Variants in KLHL42 observed in about 807,000 individuals in gnomAD.
KLHL42 encodes kelch-like protein 42.
KLHL42 carries 27 observed loss-of-function variants against 32.7 expected under a neutral mutation model. The ratio of observed to expected loss-of-function variants is 0.83; its 90% CI spans 0.61 to 1.14. The LOEUF is 1.14. KLHL42 is among the 50% of genes most tolerant of loss of function. The pLI, the probability that KLHL42 is intolerant of heterozygous loss-of-function variation, is 0.00. For missense variants in KLHL42, 491 were observed against 560.8 expected, an observed-to-expected ratio of 0.88 and a Z score of 1.26; for synonymous variants, 267 against 248.2, an observed-to-expected ratio of 1.08 and a Z score of -0.71.
At chr12:27,784,135 T>G (rs2347221) in intron 1 of KLHL42, among the ~76,000 whole-genome samples, 27,347 of 146,344 alleles carry the variant, frequency 0.19, 3,045 homozygotes, top group East Asian at 0.51. Context: ...TTTTTTTTGT[T>G]TTTGTTTTTT....
Position 27,780,634 on chromosome 12 carries a change from CT to C in KLHL42, c.305del (p.Leu102ArgfsTer80). On this transcript the variant is annotated frameshift_variant, in exon 1 of 3. Coordinates refer to ENST00000381271, the MANE Select transcript of KLHL42 (RefSeq NM_020782.2). LOFTEE classifies it high-confidence loss of function. This position sits in a 1 kb window ranked among gnomAD's most constrained non-coding sequence, Gnocchi z 8.8. Reference protein sequence around the residue: ...EDEEMDEVSLLSELVEAASFL... With the variant: ...EDEEMDEVSLXSELVEAASFL... ...CGAGGAGATGGATGAGGTGAGCCTG[CT>C]GTCCGAGCTGGTGGAGGCGGCCTCC... The C allele has an allele frequency of 2.5e-6, 4 of 1,570,016 alleles. No homozygotes were observed. The highest frequency in any genetic ancestry group is 3.5e-6 in the Non-Finnish European group (4 of 1,156,350).
At chr12:27,794,616 A>T (rs927090467) in intron 2 of KLHL42, among the ~76,000 whole-genome samples, 4 of 152,100 alleles carry the variant, frequency 2.6e-5, no homozygotes, top group African/African-American at 9.7e-5. Flanking sequence ...TCTGCCTCCC[A>T]AAGTGCTGGG....
intron 1 of KLHL42, among the ~76,000 whole-genome samples, chr12:27,784,561 C>G (rs1196756914): frequency 6.6e-6 from 1 of 152,090 alleles, no homozygotes; most frequent in Non-Finnish European, 1.5e-5. Flanking sequence ...CTGCAGTGCA[C>G]TCTCATCGGG....
chr12:27,790,054 G>A (rs1243986018), intron 1 of KLHL42, among the ~76,000 whole-genome samples: 3 of 152,098 alleles, frequency 2.0e-5, no homozygotes, highest in South Asian at 2.1e-4. Context: ...CTTGTTTACT[G>A]CTTCTTCTTA....
At chr12:27,796,739 C>A (rs577890099) in intron 2 of KLHL42, among the ~76,000 whole-genome samples, 3 of 152,094 alleles carry the variant, frequency 2.0e-5, no homozygotes, top group Admixed American at 1.3e-4. Context: ...CTAAAGTGAT[C>A]CTCCCACCTC....
intron 1 of KLHL42, chr12:27,788,331 A>T (rs574401898): frequency 2.0e-5 from 3 of 152,142 alleles, no homozygotes; most frequent in Admixed American, 6.5e-5. Context: ...TGCTCACAAC[A>T]TCTCTGTGAG....
At chr12:27,797,405 C>G (rs2062223845) in intron 2 of KLHL42, 3 of 515,864 alleles carry the variant, frequency 5.8e-6, no homozygotes, top group Non-Finnish European at 1.1e-5. Flanking sequence ...TTACACTGAC[C>G]TGGTGGTTCA....
rs554400738 is a variant in KLHL42, at chr12:27,799,174, C to T, written c.*1008C>T. The T allele has an allele frequency of 3.9e-5, 6 of 152,428 alleles. No homozygotes were observed. The highest frequency in any genetic ancestry group is 1.4e-4 in the African/African-American group (6 of 41,552). The allele number at this position is 152,428 out of a possible 1,614,324, so 9.4% of individuals were successfully genotyped here. A position where few individuals can be genotyped will look rare whatever the true frequency, so the allele number is the denominator to read the frequency against. ...TTGCTTTTGTGGACTAAGGTAAGGA[C>T]AGCATTTAAATATTTGTGCTGGAGT... On this transcript the variant is annotated 3_prime_UTR_variant, in exon 3 of 3. Coordinates refer to ENST00000381271, the MANE Select transcript of KLHL42 (RefSeq NM_020782.2).
chr12:27,794,591 A>C (rs1213482342), intron 2 of KLHL42, among the ~76,000 whole-genome samples: 2 of 152,158 alleles, frequency 1.3e-5, no homozygotes, highest in Non-Finnish European at 2.9e-5. Flanking sequence ...TCCTGGGTTC[A>C]GGCGATCTCC....
chr12:27,796,351 C>T (rs1382677825), intron 2 of KLHL42, among the ~76,000 whole-genome samples: 1 of 152,226 alleles, frequency 6.6e-6, no homozygotes. Flanking sequence ...TACCAAGCGC[C>T]TGCAGCCGTC....
chr12:27,780,266 C>T lies in KLHL42; in HGVS notation c.-65C>T. On this transcript the variant is annotated 5_prime_UTR_variant, in exon 1 of 3. Coordinates refer to ENST00000381271, the MANE Select transcript of KLHL42 (RefSeq NM_020782.2). This position sits in a 1 kb window ranked among gnomAD's most constrained non-coding sequence, Gnocchi z 8.8. Reference sequence around the variant, plus strand: ...GCGCCCCGCCCGGAACCGGCGCGCGCGTAGGGGCTGGGAGGCCGGCGCGCA... The same window carrying T: ...GCGCCCCGCCCGGAACCGGCGCGCGTGTAGGGGCTGGGAGGCCGGCGCGCA... 1 of 1,405,630 alleles carries T rather than the reference C, an allele frequency of 7.1e-7. No individual in the cohort carries two copies. The highest frequency in any genetic ancestry group is 2.6e-4 in the Middle Eastern group (1 of 3,872). 87.1% of individuals were successfully genotyped at this position (1,405,630 alleles called of 1,614,324 possible).
Position 27,791,690 on chromosome 12 carries a change from T to G in KLHL42, c.873-18T>G, listed in dbSNP as rs572279069. On this transcript the variant is annotated intron_variant, in intron 1 of 2. Coordinates refer to ENST00000381271, the MANE Select transcript of KLHL42 (RefSeq NM_020782.2). ...ATCAGAAGAACTAACTCTGTGGGCC[T>G]TTGTGTCTCTCTTTCAGGTCTAACT... The G allele has an allele frequency of 5.0e-6, 8 of 1,604,998 alleles. No homozygotes were observed. The East Asian group carries it at 1.8e-4, about 36-fold the overall frequency.
In KLHL42 at chr12:27,780,408, G is replaced by A; in HGVS notation, c.78G>A (p.Gln26=). 1 of 1,566,280 alleles carries A rather than the reference G, an allele frequency of 6.4e-7. No individual in the cohort carries two copies. Among genetic ancestry groups the A allele is most frequent in the East Asian group, 2.4e-5 (1 of 41,590 alleles). ...TGAGCAAGAGGAAGCTCATCGAGCA[G>A]AGCGACTACTTCCGCGCCCTCTACC... ...YPVSKRKLIE[Q]SDYFRALYRS... is the part of the protein sequence containing the mutation. Residue 26 remains glutamine (Q), a synonymous_variant, in exon 1 of 3, where the codon CAG becomes CAA. Transcript: ENST00000381271. This position sits in a 1 kb window ranked among gnomAD's most constrained non-coding sequence, Gnocchi z 8.8.
chr12:27,791,101 T>G (rs1473814179), intron 1 of KLHL42, among the ~76,000 whole-genome samples: 1 of 152,182 alleles, frequency 6.6e-6, no homozygotes, highest in African/African-American at 2.4e-5. Flanking sequence ...ACTGTGAATT[T>G]GTTCAGTGCT....
chr12:27,787,023 C>A (rs1270049466), intron 1 of KLHL42, among the ~76,000 whole-genome samples: 1 of 151,886 alleles, frequency 6.6e-6, no homozygotes, highest in African/African-American at 2.4e-5. Context: ...CCGCGCCCGG[C>A]CAATTGAGAG....
chr12:27,784,313 T>G (rs980785260), intron 1 of KLHL42, among the ~76,000 whole-genome samples: 1 of 151,350 alleles, frequency 6.6e-6, no homozygotes, highest in Non-Finnish European at 1.5e-5. Flanking sequence ...TTTTTTTTTT[T>G]TGTATTTTTA....
chr12:27,797,314 C>T (rs761609686), intron 2 of KLHL42: 2 of 459,532 alleles, frequency 4.4e-6, no homozygotes, highest in South Asian at 1.5e-5. Context: ...GAATAATCTA[C>T]TTGCTGCCCA....
intron 2 of KLHL42, among the ~76,000 whole-genome samples, chr12:27,796,902 A>T (rs1212952277): frequency 2.6e-5 from 4 of 152,028 alleles, no homozygotes; most frequent in African/African-American, 9.7e-5. Flanking sequence ...CCACCCAAAG[A>T]GTTGGGATTA....
chr12:27,790,586 T>C (rs2062192144), intron 1 of KLHL42, among the ~76,000 whole-genome samples: 1 of 152,218 alleles, frequency 6.6e-6, no homozygotes, highest in African/African-American at 2.4e-5. Context: ...ATAAGACTTA[T>C]TTAGTGTCTG....
Sources: gnomAD v4.1 joint callset for allele counts (sites outside exome capture counted in the v4.1 genomes callset) on GRCh38, gnomAD v4.1.1 for gene constraint, Gnocchi (gnomAD v3.1) non-coding constraint, MANE v1.5 for transcripts, NCBI Gene and HGNC (gene_info 2026-07-23, HGNC 2026-07-21) for gene names.